The following DMD variants were observed in gnomAD, a reference collection of about 807,000 sequenced individuals.
DMD encodes the protein mutant dystrophin.
In DMD, 63 loss-of-function variants were observed where a neutral mutation model predicts 330.1. That is an observed-to-expected ratio of 0.19 (90% CI 0.16 to 0.24). DMD has a LOEUF of 0.24. Among genes scored for constraint, DMD ranks in the 10% least tolerant of loss-of-function variants. The probability of loss-of-function intolerance (pLI) is 1.00; values close to 1 mark genes in which losing one functional copy is unlikely to be tolerated. For missense variants in DMD, 3,344 were observed against 2,684.1 expected (o/e 1.25, Z -5.43); for synonymous variants, 1,223 against 959.8 (o/e 1.27, Z -5.07).
At chrX:32,134,637 G>A (rs779527030) in intron 44 of DMD, among the ~76,000 whole-genome samples, 1 of 111,561 alleles carries the variant, frequency 9.0e-6, no homozygotes, top group Non-Finnish European at 1.9e-5. Flanking sequence ...GTTTTAAAGA[G>A]TTGCTGAATG....
intron 29 of DMD, 66 bp from the exon 30 acceptor site, chrX:32,411,979 C>A (rs761664038): frequency 1.7e-6 from 2 of 1,192,070 alleles, no homozygotes; most frequent in East Asian, 3.0e-5. Flanking sequence ...TGTAATCCTG[C>A]TGAACAATAA....
intron 44 of DMD, among the ~76,000 whole-genome samples, chrX:32,118,411 G>T (rs7050499): frequency 9.0e-6 from 1 of 110,891 alleles, no homozygotes; most frequent in Non-Finnish European, 1.9e-5. Context: ...AACTCTCTGA[G>T]CCATGGTTAA....
chrX:32,589,155 C>A (rs553332682), intron 13 of DMD, among the ~76,000 whole-genome samples: 5 of 111,773 alleles, frequency 4.5e-5, no homozygotes, highest in African/African-American at 1.3e-4. Context: ...GTGCCATTTC[C>A]CTATGATTAG....
intron 44 of DMD, among the ~76,000 whole-genome samples, chrX:32,063,359 C>T (rs1003672911): frequency 3.6e-5 from 4 of 111,106 alleles, no homozygotes; most frequent in African/African-American, 6.5e-5. Context: ...AGTCCATAAA[C>T]GGAACCTCAG....
chrX:32,558,944 T>TTTTTTTTTTTTTTTC (rs2050660404), intron 16 of DMD, among the ~76,000 whole-genome samples: 2 of 38,214 alleles, frequency 5.2e-5, no homozygotes, highest in African/African-American at 1.7e-4. Flanking sequence ...TTTTCTTTTT[T>TTTTTTTTTTTTTTTC]TTTTTTTTTT....
intron 7 of DMD, among the ~76,000 whole-genome samples, chrX:32,761,084 T>G (rs999851500): frequency 8.9e-6 from 1 of 112,004 alleles, no homozygotes; most frequent in Non-Finnish European, 1.9e-5. Context: ...GGACTACACT[T>G]AAATGTTATC....
rs35286502 is a variant in DMD at position 31,134,421 on chromosome X, CT to C, written c.10922-228del. ...CCTTGGAGAAAAAAAAACTGTATAT[CT>C]TTTTTTTTTTTTTTTTTTGAGATGG... On this transcript the variant is annotated intron_variant, in intron 76 of 78. Coordinates refer to ENST00000357033, the MANE Select transcript of DMD (RefSeq NM_004006.3). Among the ~76,000 whole-genome samples, 1,877 of 79,563 alleles carry C rather than the reference CT, an allele frequency of 0.024. 45 individuals carry two copies. Among genetic ancestry groups the C allele is most frequent in the African/African-American group, 0.08 (1,669 of 20,835 alleles). The allele number at this position is 79,563 out of a possible 115,157, so 69.1% of individuals were successfully genotyped here. A position where few individuals can be genotyped will look rare whatever the true frequency, so the allele number is the denominator to read the frequency against.
intron 7 of DMD, among the ~76,000 whole-genome samples, chrX:32,803,704 T>A (rs1336155431): frequency 8.9e-6 from 1 of 112,277 alleles, no homozygotes; most frequent in African/African-American, 3.2e-5. Flanking sequence ...ATTTCTGCCT[T>A]AATTTCATTA....
intron 1 of DMD, among the ~76,000 whole-genome samples, chrX:33,203,609 T>C (rs2051403554): frequency 9.0e-6 from 1 of 110,578 alleles, no homozygotes; most frequent in Non-Finnish European, 1.9e-5. Context: ...CAGACCTCTT[T>C]ATGGAAATAT....
At chrX:32,700,536 G>A (rs367915403) in intron 7 of DMD, among the ~76,000 whole-genome samples, 3 of 111,081 alleles carry the variant, frequency 2.7e-5, no homozygotes, top group Non-Finnish European at 5.7e-5. Context: ...AAATTGCTGC[G>A]AGAGTAGATA....
At chrX:32,277,157 C>T (rs1281599698) in intron 43 of DMD, among the ~76,000 whole-genome samples, 3 of 109,787 alleles carry the variant, frequency 2.7e-5, no homozygotes, top group African/African-American at 1.0e-4. Flanking sequence ...CAGACCAAAT[C>T]GATATCAGGA....
intron 1 of DMD, among the ~76,000 whole-genome samples, chrX:33,177,786 T>A (rs998885675): frequency 8.9e-6 from 1 of 112,399 alleles, no homozygotes; most frequent in African/African-American, 3.2e-5. Flanking sequence ...CACACTGTTG[T>A]GCAACAGATA....
intron 43 of DMD, among the ~76,000 whole-genome samples, chrX:32,229,681 C>CAT (rs55916475): frequency 0.097 from 2,339 of 24,095 alleles, 111 homozygotes; most frequent in Non-Finnish European, 0.11. Flanking sequence ...AGAGTTTCAT[C>CAT]ATATATATAT....
At chrX:32,752,877 T>G (rs1246103978) in intron 7 of DMD, among the ~76,000 whole-genome samples, 1 of 110,832 alleles carries the variant, frequency 9.0e-6, no homozygotes, top group Non-Finnish European at 1.9e-5. Flanking sequence ...CTGTCATTCC[T>G]GTAAAATGTG....
At position 32,371,639 on chromosome X, in the gene DMD, A is replaced by G. The variant is rs762098260; in HGVS notation, c.4846-6440T>C. ...GTATTTCCCAAACATAATGATCTTC[A>G]GGGAAGTAAACCTCTAATTAATCAC... On this transcript the variant is annotated intron_variant, in intron 34 of 78. Coordinates refer to ENST00000357033, the MANE Select transcript of DMD (RefSeq NM_004006.3). 7.2e-5 allele frequency among the ~76,000 whole-genome samples: 8 copies of G among 111,576 alleles called. No individual in the cohort carries two copies. The East Asian group carries it at 2.2e-3, about 31-fold the overall frequency.
At chrX:32,644,100 G>A (rs1266369255) in intron 11 of DMD, 32 bp downstream of exon 11, 2 of 1,145,505 alleles carry the variant, frequency 1.7e-6, no homozygotes, top group Non-Finnish European at 2.4e-6. Context: ...AAACTTGTTA[G>A]TCTTCTTAAT....
chrX:31,833,323 AGGGAGAGAGG>A (rs2093108023), intron 49 of DMD, among the ~76,000 whole-genome samples: 1 of 69,063 alleles, frequency 1.4e-5, no homozygotes, highest in African/African-American at 5.8e-5. Context: ...AGAGGGAGAG[AGGGAGAGAGG>A]GAGAGAGTGG....
intron 48 of DMD, among the ~76,000 whole-genome samples, chrX:31,844,914 G>A: frequency 1.8e-5 from 2 of 110,345 alleles, no homozygotes; most frequent in Admixed American, 1.9e-4. Context: ...ACAGTGTAGT[G>A]TACACCTGAC....
rs923593460 is a variant in DMD, at chrX:31,583,748, G to T, written c.8217+43925C>A. 8.5e-5 allele frequency among the ~76,000 whole-genome samples: 9 copies of T among 106,355 alleles called. No individual in the cohort carries two copies. In the South Asian group the frequency reaches 2.5e-3, roughly 30 times the overall value. The allele number at this position is 106,355 out of a possible 115,157, so 92.4% of individuals were successfully genotyped here. ...TGCACCTATTAACCCATCACCTAGA[G>T]ATATATATATATATATTTTATTATT... On this transcript the variant is annotated intron_variant, in intron 55 of 78. Transcript: ENST00000357033.
Sources: allele counts gnomAD v4.1 joint callset (sites outside exome capture counted in the v4.1 genomes callset), GRCh38; gene constraint gnomAD v4.1.1; transcripts MANE v1.5; gene names NCBI Gene and HGNC (gene_info 2026-07-23, HGNC 2026-07-21).